CLSTN1: variants seen among roughly 807,000 people sequenced by gnomAD.
The protein encoded by CLSTN1 is calsyntenin 1.
CLSTN1 carries 28 observed loss-of-function variants against 108.3 expected under a neutral mutation model. That is an observed-to-expected ratio of 0.26 (90% confidence interval 0.19 to 0.35). The LOEUF (loss-of-function observed/expected upper bound fraction) is 0.35, where lower values mean the gene tolerates loss of function less well. Ranked by LOEUF, CLSTN1 falls within the 10% of genes least tolerant of loss-of-function variation. CLSTN1 has a pLI of 1.00. For synonymous variants in CLSTN1, 524 were observed against 534.9 expected, an observed-to-expected ratio of 0.98 and a Z score of 0.28; for missense variants, 1,157 against 1,302.6, an observed-to-expected ratio of 0.89 and a Z score of 1.72.
intron 1 of CLSTN1, among the ~76,000 whole-genome samples, chr1:9,803,486 G>A (rs751630820): frequency 1.3e-5 from 2 of 152,172 alleles, no homozygotes; most frequent in Non-Finnish European, 2.9e-5. Flanking sequence ...GTAGCACAAA[G>A]GTCTTTTATC....
At chr1:9,770,669 C>T (rs1652630555) in intron 2 of CLSTN1, among the ~76,000 whole-genome samples, 1 of 152,176 alleles carries the variant, frequency 6.6e-6, no homozygotes, top group Non-Finnish European at 1.5e-5. Context: ...TAGAGTAGTG[C>T]CTGGGACATT....
rs1317490221 is a variant in CLSTN1, at chr1:9,728,982, TAA to T, written c.*1524_*1525del. 3 of 152,216 alleles carry T rather than the reference TAA, an allele frequency of 2.0e-5. No homozygotes were observed. Among genetic ancestry groups the T allele is most frequent in the Admixed American group, 6.5e-5 (1 of 15,280 alleles). 9.4% of individuals were successfully genotyped at this position (152,216 alleles called of 1,614,324 possible). A position where few individuals can be genotyped will look rare whatever the true frequency, so the allele number is the denominator to read the frequency against. ...AAAAAGAAACAAGGGAGTGTAGGTT[TAA>T]AACCAAAACAGGAGAGAAGACAAAC... On this transcript the variant is annotated 3_prime_UTR_variant, in exon 19 of 19. Transcript: ENST00000377298.
intron 7 of CLSTN1, among the ~76,000 whole-genome samples, chr1:9,748,997 C>T (rs1237238434): frequency 6.6e-6 from 1 of 151,910 alleles, no homozygotes; most frequent in Admixed American, 6.6e-5. Flanking sequence ...CTCAACCTCC[C>T]GGGCTCAGGT....
chr1:9,823,686 C>T lies in CLSTN1; in HGVS notation c.48G>A (p.Leu16=). ...APALAPAARL[L]LAGLLCGGGV... is the part of the protein sequence containing the mutation. ...CGCCGCCGCACAGCAGCCCGGCCAG[C>T]AGCAGCCGGGCGGCCGGGGCCAGCG... Residue 16 remains leucine (L), a synonymous_variant, in exon 1 of 19, where the codon CTG becomes CTA. Coordinates refer to ENST00000377298, the MANE Select transcript of CLSTN1 (RefSeq NM_001009566.3). This position sits in a 1 kb window ranked among gnomAD's most constrained non-coding sequence, Gnocchi z 6.3. The T allele has an allele frequency of 8.6e-7, 1 of 1,160,690 alleles. No individual in the cohort carries two copies. Among genetic ancestry groups the T allele is most frequent in the Non-Finnish European group, 1.1e-6 (1 of 941,734 alleles). 71.9% of individuals were successfully genotyped at this position (1,160,690 alleles called of 1,614,324 possible). A position where few individuals can be genotyped will look rare whatever the true frequency, so the allele number is the denominator to read the frequency against.
At chr1:9,802,823 ATTTTTT>A (rs34247091) in intron 1 of CLSTN1, among the ~76,000 whole-genome samples, 3 of 130,548 alleles carry the variant, frequency 2.3e-5, no homozygotes, top group Non-Finnish European at 4.7e-5. Context: ...ATTTTCTTAG[ATTTTTT>A]TTTTTTTTTT....
At chr1:9,732,554 A>G (rs1476342132) in intron 16 of CLSTN1, among the ~76,000 whole-genome samples, 2 of 152,206 alleles carry the variant, frequency 1.3e-5, no homozygotes, top group Non-Finnish European at 2.9e-5. Flanking sequence ...CTTTGACTCA[A>G]ACAAAACAGG....
At chr1:9,798,327 C>T (rs1410944259) in intron 1 of CLSTN1, among the ~76,000 whole-genome samples, 1 of 152,084 alleles carries the variant, frequency 6.6e-6, no homozygotes, top group Non-Finnish European at 1.5e-5. Flanking sequence ...CAGCCAAAAC[C>T]ATCCTAAAAC....
chr1:9,731,962 G>A, intron 16 of CLSTN1, 66 bp from the exon 17 acceptor site: 1 of 1,599,024 alleles, frequency 6.3e-7, no homozygotes, highest in Non-Finnish European at 8.6e-7. Context: ...GGTGACAGTG[G>A]AGTCCCGCAG....
At chr1:9,798,653 T>C (rs1384382031) in intron 1 of CLSTN1, among the ~76,000 whole-genome samples, 1 of 152,082 alleles carries the variant, frequency 6.6e-6, no homozygotes, top group African/African-American at 2.4e-5. Flanking sequence ...CGAAAACATT[T>C]TGGAACTAGA....
chr1:9,776,208 TC>T (rs887948172), intron 1 of CLSTN1, among the ~76,000 whole-genome samples: 32 of 151,936 alleles, frequency 2.1e-4, no homozygotes, highest in African/African-American at 7.7e-4. Flanking sequence ...GACCTCGTGT[TC>T]CGCCCACCTC....
In CLSTN1 at chr1:9,816,503, T is replaced by C. The variant is rs377597781; in HGVS notation, c.91+7140A>G. Among the ~76,000 whole-genome samples the C allele has an allele frequency of 1.6e-4, 24 of 151,362 alleles. No homozygotes were observed. In the South Asian group the frequency reaches 2.5e-3, roughly 16 times the overall value. Reference sequence around the variant, plus strand: ...GTATGCCTTAAAAGGTTGAATTTTATGGTATGTGAACTATACCTCAATAAA... The same window carrying C: ...GTATGCCTTAAAAGGTTGAATTTTACGGTATGTGAACTATACCTCAATAAA... On this transcript the variant is annotated intron_variant, in intron 1 of 18. Coordinates refer to ENST00000377298, the MANE Select transcript of CLSTN1 (RefSeq NM_001009566.3).
chr1:9,813,033 G>A (rs1006385603), intron 1 of CLSTN1, among the ~76,000 whole-genome samples: 5 of 147,836 alleles, frequency 3.4e-5, no homozygotes, highest in Admixed American at 6.8e-5. Context: ...GCATGGTGGC[G>A]GGTGCCTAGT....
chr1:9,778,982 C>A (rs1653104301), intron 1 of CLSTN1, among the ~76,000 whole-genome samples: 1 of 150,474 alleles, frequency 6.6e-6, no homozygotes, highest in Non-Finnish European at 1.5e-5. Flanking sequence ...AAGACCGTGC[C>A]ATTGCACTCC....
intron 10 of CLSTN1, among the ~76,000 whole-genome samples, chr1:9,740,614 G>A (rs1320922704): frequency 3.3e-5 from 5 of 152,070 alleles, no homozygotes; most frequent in Admixed American, 6.6e-5. Context: ...CTCCCCACAC[G>A]TGGCCCTTGC....
chr1:9,731,301 C>T lies in CLSTN1; in HGVS notation c.2653G>A (p.Ala885Thr), dbSNP rs764111313. The stretch of plus-strand genomic sequence containing the variant: ...TGATCCCGCATGGTCCGCCGATGTG[C>T]GGCCCGGATCCGAAATACCCCCAGG... ...IILGVFRIRA[A>T]HRRTMRDQDT... Residue 885 changes from alanine to threonine, a missense_variant, in exon 18 of 19, where the codon GCA (alanine) becomes ACA (threonine). Transcript: ENST00000377298. 2.0e-5 allele frequency: 32 copies of T among 1,614,248 alleles called. 1 individual carries two copies. The South Asian group carries it at 2.1e-4, about 11-fold the overall frequency.
At chr1:9,786,640 C>T (rs1056638007) in intron 1 of CLSTN1, among the ~76,000 whole-genome samples, 3 of 133,480 alleles carry the variant, frequency 2.2e-5, no homozygotes, top group African/African-American at 8.8e-5. Context: ...AAGAGTGAGA[C>T]TCCGTCTCAA....
At chr1:9,755,907 G>C (rs567975914) in intron 3 of CLSTN1, among the ~76,000 whole-genome samples, 32 of 152,120 alleles carry the variant, frequency 2.1e-4, no homozygotes, top group Admixed American at 4.6e-4. Context: ...GACTCGTCAG[G>C]CATCCATTTC....
intron 7 of CLSTN1, among the ~76,000 whole-genome samples, chr1:9,749,101 G>A (rs1168920489): frequency 1.3e-5 from 2 of 149,504 alleles, no homozygotes; most frequent in African/African-American, 4.9e-5. Flanking sequence ...ATGGGGTATC[G>A]CTGTGTTGCC....
At chr1:9,787,565 G>A (rs1031970980) in intron 1 of CLSTN1, among the ~76,000 whole-genome samples, 5 of 150,882 alleles carry the variant, frequency 3.3e-5, no homozygotes, top group African/African-American at 9.7e-5. Flanking sequence ...CACCGTGCCC[G>A]GCTAATTTTT....
Sources: allele counts gnomAD v4.1 joint callset (sites outside exome capture counted in the v4.1 genomes callset), GRCh38; gene constraint gnomAD v4.1.1; non-coding constraint Gnocchi (gnomAD v3.1); transcripts MANE v1.5; gene names NCBI Gene and HGNC (gene_info 2026-07-23, HGNC 2026-07-21).